PRKN: variants seen among roughly 807,000 people sequenced by gnomAD.
PRKN encodes parkin RBR E3 ubiquitin protein ligase.
In PRKN, 56 loss-of-function variants were observed where a neutral mutation model predicts 59.5. The observed-to-expected ratio is 0.94, with a 90% CI of 0.76 to 1.18. The LOEUF is 1.18. Among genes scored for constraint, PRKN ranks in the 50% most tolerant of loss-of-function variants. PRKN has a pLI of 0.00. For synonymous variants in PRKN, 250 were observed against 222.1 expected (o/e 1.13, Z -1.12); for missense variants, 657 against 596.4 (o/e 1.10, Z -1.06).
chr6:161,531,627 G>T (rs1164256940), intron 9 of PRKN, among the ~76,000 whole-genome samples: 13 of 152,166 alleles, frequency 8.5e-5, no homozygotes, highest in Non-Finnish European at 1.9e-4. Context: ...GCTTGTACGT[G>T]TGAGTGGACA....
At chr6:162,350,772 TAGCTAAGATCCCCAA>T (rs1784590545) in intron 2 of PRKN, among the ~76,000 whole-genome samples, 1 of 152,158 alleles carries the variant, frequency 6.6e-6, no homozygotes, top group African/African-American at 2.4e-5. Context: ...AAACACTTTT[TAGCTAAGATCCCCAA>T]AGCATGACCA....
chr6:162,671,253 C>A (rs1779305052), intron 1 of PRKN, among the ~76,000 whole-genome samples: 1 of 152,120 alleles, frequency 6.6e-6, no homozygotes, highest in Admixed American at 6.5e-5. Context: ...GTAATCCCAG[C>A]ACTTTGGGAG....
chr6:162,366,447 A>T lies in PRKN; in HGVS notation c.171+76863T>A, dbSNP rs958052200. ...TTAATTGTCTTTTGCTTATTAAAAA[A>T]TAGTCATGGTGGACATTTCTTTAAA... On this transcript the variant is annotated intron_variant, in intron 2 of 11. Transcript: ENST00000366898. Among the ~76,000 whole-genome samples, 4 of 152,186 alleles carry T rather than the reference A, an allele frequency of 2.6e-5. No homozygotes were observed. The East Asian group carries it at 7.7e-4, about 29-fold the overall frequency.
intron 10 of PRKN, among the ~76,000 whole-genome samples, chr6:161,364,192 AG>A (rs1441155101): frequency 2.0e-5 from 3 of 148,966 alleles, no homozygotes; most frequent in African/African-American, 7.5e-5. Context: ...AAAAAAGAAA[AG>A]AAAACAAACA....
intron 2 of PRKN, among the ~76,000 whole-genome samples, chr6:162,320,520 C>T (rs1782972789): frequency 6.7e-6 from 1 of 149,210 alleles, no homozygotes; most frequent in African/African-American, 2.5e-5. Context: ...CATCATTAAC[C>T]ATTAAGAATG....
At position 161,468,220 on chromosome 6, in the gene PRKN, G is replaced by A. The variant is rs545598666; in HGVS notation, c.1083+80634C>T. Reference sequence around the variant, plus strand: ...ACTCCTGACCTCAGGTGATCCGCCCGCCTCAACCTCCCAACGTGCTAGGAT... The same window carrying A: ...ACTCCTGACCTCAGGTGATCCGCCCACCTCAACCTCCCAACGTGCTAGGAT... On this transcript the variant is annotated intron_variant, in intron 9 of 11. Transcript: ENST00000366898. The surrounding 1 kb of genome is among the most constrained non-coding windows in gnomAD (Gnocchi z 5.9). Among the ~76,000 whole-genome samples, 90 of 151,922 alleles carry A rather than the reference G, an allele frequency of 5.9e-4. No homozygotes were observed. The highest frequency in any genetic ancestry group is 2.1e-3 in the African/African-American group (86 of 41,430).
chr6:161,855,311 G>A (rs1481985668), intron 6 of PRKN, among the ~76,000 whole-genome samples: 1 of 151,990 alleles, frequency 6.6e-6, no homozygotes, highest in Non-Finnish European at 1.5e-5. Flanking sequence ...TTAACAAGGA[G>A]ACACATATGA....
chr6:162,365,250 G>GT (rs1476294707), intron 2 of PRKN, among the ~76,000 whole-genome samples: 1 of 151,874 alleles, frequency 6.6e-6, no homozygotes, highest in Non-Finnish European at 1.5e-5. Context: ...ATTGTATTTT[G>GT]TAAGTGTATT....
intron 9 of PRKN, among the ~76,000 whole-genome samples, chr6:161,489,642 T>C (rs1362967609): frequency 7.2e-6 from 1 of 138,320 alleles, no homozygotes; most frequent in Non-Finnish European, 1.5e-5. Context: ...TTTGCTATAC[T>C]TGGAACTTTT....
At chr6:161,824,518 G>A (rs1266400295) in intron 6 of PRKN, among the ~76,000 whole-genome samples, 1 of 152,152 alleles carries the variant, frequency 6.6e-6, no homozygotes, top group African/African-American at 2.4e-5. Context: ...CAGTTATGAA[G>A]TTGCGTGATT....
intron 2 of PRKN, among the ~76,000 whole-genome samples, chr6:162,278,522 G>A (rs1215912880): frequency 6.6e-6 from 1 of 152,044 alleles, no homozygotes; most frequent in Non-Finnish European, 1.5e-5. Flanking sequence ...AATGGAGAGG[G>A]TATGGGCACA....
At chr6:162,700,896 T>G (rs1778129176) in intron 1 of PRKN, among the ~76,000 whole-genome samples, 1 of 152,150 alleles carries the variant, frequency 6.6e-6, no homozygotes, top group Non-Finnish European at 1.5e-5. Context: ...TAAGCAATCA[T>G]TTCAATCTGC....
chr6:161,489,282 G>A (rs111381979), intron 9 of PRKN, among the ~76,000 whole-genome samples: 3,762 of 151,830 alleles, frequency 0.025, 148 homozygotes, highest in African/African-American at 0.086. Context: ...ATTTCTGGCC[G>A]GGCACAGTGG....
intron 7 of PRKN, among the ~76,000 whole-genome samples, chr6:161,683,300 A>G (rs1476121985): frequency 6.6e-6 from 1 of 152,070 alleles, no homozygotes; most frequent in Non-Finnish European, 1.5e-5. Flanking sequence ...AGTTTCCCAG[A>G]CGCGTCTGGG....
intron 6 of PRKN, among the ~76,000 whole-genome samples, chr6:161,881,053 T>C (rs1193033066): frequency 1.3e-5 from 2 of 152,192 alleles, no homozygotes; most frequent in Non-Finnish European, 2.9e-5. Context: ...TAAACTGCAC[T>C]TGTAGAACCT....
rs1358388103 is a variant in PRKN, at chr6:162,568,414, G to A, written c.8-124941C>T. On this transcript the variant is annotated intron_variant, in intron 1 of 11. Transcript: ENST00000366898. ...GGGTGACCCAGAAGTCCTATAAGGT[G>A]TCCACCTCTATGGGCAGCAGCAGCT... The A allele has an allele frequency of 2.8e-5, 16 of 561,678 alleles. No homozygotes were observed. The East Asian group carries it at 3.4e-4, about 12-fold the overall frequency. The allele number at this position is 561,678 out of a possible 1,614,324, so 34.8% of individuals were successfully genotyped here.
intron 9 of PRKN, among the ~76,000 whole-genome samples, chr6:161,534,051 C>A (rs541565247): frequency 6.6e-6 from 1 of 152,172 alleles, no homozygotes; most frequent in African/African-American, 2.4e-5. Context: ...ATGTCACTTC[C>A]CCTGGAAGCC....
At chr6:161,513,111 C>T (rs2115336866) in intron 9 of PRKN, among the ~76,000 whole-genome samples, 1 of 152,160 alleles carries the variant, frequency 6.6e-6, no homozygotes, top group East Asian at 1.9e-4. Context: ...TAGGAGTTTC[C>T]TATTTGGCGA....
chr6:161,429,382 C>G lies in PRKN; in HGVS notation c.1084-42505G>C. Among the ~76,000 whole-genome samples, 1 of 152,142 alleles carries G rather than the reference C, an allele frequency of 6.6e-6. No homozygotes were observed. Among genetic ancestry groups the G allele is most frequent in the East Asian group, 1.9e-4 (1 of 5,196 alleles). ...CAGGTCATTATAACACAGCAGTGCCCTAAGTGCTATTGCTCTATGTGTGGG... is the reference window on the plus strand; with the variant it reads ...CAGGTCATTATAACACAGCAGTGCCGTAAGTGCTATTGCTCTATGTGTGGG... On this transcript the variant is annotated intron_variant, in intron 9 of 11. Coordinates refer to ENST00000366898, the MANE Select transcript of PRKN (RefSeq NM_004562.3). The surrounding 1 kb of genome is among the most constrained non-coding windows in gnomAD (Gnocchi z 4.2).
Sources: allele counts gnomAD v4.1 joint callset (sites outside exome capture counted in the v4.1 genomes callset), GRCh38; gene constraint gnomAD v4.1.1; non-coding constraint Gnocchi (gnomAD v3.1); transcripts MANE v1.5; gene names NCBI Gene and HGNC (gene_info 2026-07-23, HGNC 2026-07-21).